Variants in PGAP1 observed in about 807,000 individuals in gnomAD.
PGAP1 encodes the protein post-GPI attachment to proteins inositol deacylase 1.
Under a neutral mutation model 127.0 loss-of-function variants are expected in PGAP1, and 76 were observed. The ratio of observed to expected loss-of-function variants is 0.60; its 90% CI spans 0.50 to 0.72. The LOEUF (loss-of-function observed/expected upper bound fraction) is 0.72. Ranked by LOEUF, PGAP1 falls within the 30% of genes least tolerant of loss-of-function variation. The pLI, the probability that PGAP1 is intolerant of heterozygous loss-of-function variation, is 0.00. For synonymous variants in PGAP1, 362 were observed against 366.5 expected (o/e 0.99, Z 0.14); for missense variants, 982 against 1,071.3 (o/e 0.92, Z 1.16).
At chr2:196,869,052 G>T (rs1475078242) in intron 19 of PGAP1, among the ~76,000 whole-genome samples, 1 of 152,002 alleles carries the variant, frequency 6.6e-6, no homozygotes, top group Non-Finnish European at 1.5e-5. Flanking sequence ...ATTTTAAAAA[G>T]AATCCACCTT....
intron 2 of PGAP1, 72 bp downstream of exon 2, chr2:196,919,925 C>T (rs925343849): frequency 9.0e-6 from 13 of 1,448,098 alleles, no homozygotes; most frequent in Admixed American, 2.0e-5. Flanking sequence ...TTTGATTCAC[C>T]GAGTATGGAT....
At chr2:196,854,599 G>A (rs762468025) in intron 20 of PGAP1, among the ~76,000 whole-genome samples, 1 of 152,158 alleles carries the variant, frequency 6.6e-6, no homozygotes, top group Non-Finnish European at 1.5e-5. Flanking sequence ...TTAAAATGCT[G>A]CATGTAACAG....
rs929695464 is a variant in PGAP1 at position 196,840,093 on chromosome 2, G to C, written c.*1141C>G. 1 of 152,146 alleles carries C rather than the reference G, an allele frequency of 6.6e-6. No homozygotes were observed. The highest frequency in any genetic ancestry group is 1.5e-5 in the Non-Finnish European group (1 of 68,012). The allele number at this position is 152,146 out of a possible 1,614,324, so 9.4% of individuals were successfully genotyped here. A position where few individuals can be genotyped will look rare whatever the true frequency, so the allele number is the denominator to read the frequency against. ...CGTAAATTCTGAAATGAAATAAAATGTTACTCTTATTTGTCAAACAGTAAT... is the reference window on the plus strand; with the variant it reads ...CGTAAATTCTGAAATGAAATAAAATCTTACTCTTATTTGTCAAACAGTAAT... On this transcript the variant is annotated 3_prime_UTR_variant, in exon 27 of 27. Coordinates refer to ENST00000354764, the MANE Select transcript of PGAP1 (RefSeq NM_024989.4).
intron 25 of PGAP1, 104 bp from the exon 26 acceptor site, chr2:196,842,929 A>G (rs112667770): frequency 2.0e-6 from 1 of 495,392 alleles, no homozygotes; most frequent in Non-Finnish European, 3.5e-6. Context: ...CAGTAGCAAT[A>G]TGGATATAAG....
chr2:196,900,037 T>TCAAAA lies in PGAP1; in HGVS notation c.808-1673_808-1669dup, dbSNP rs777791336. Among the ~76,000 whole-genome samples, 23 of 152,302 alleles carry TCAAAA rather than the reference T, an allele frequency of 1.5e-4. No individual in the cohort carries two copies. The East Asian group carries it at 1.7e-3, about 11-fold the overall frequency. ...TGGGCAACAAGAGCGAAACTCCGTC[T>TCAAAA]CAAAACAAAACAAAACAAAACACAC... is the stretch of plus-strand genomic sequence containing the variant. On this transcript the variant is annotated intron_variant, in intron 5 of 26. Transcript: ENST00000354764.
intron 20 of PGAP1, among the ~76,000 whole-genome samples, chr2:196,848,698 T>C (rs1354948128): frequency 3.9e-5 from 6 of 152,238 alleles, no homozygotes; most frequent in Non-Finnish European, 8.8e-5. Context: ...TATTTTTCCA[T>C]TCATCAATTG....
intron 20 of PGAP1, among the ~76,000 whole-genome samples, chr2:196,861,359 C>T (rs1701058614): frequency 6.6e-6 from 1 of 152,040 alleles, no homozygotes; most frequent in African/African-American, 2.4e-5. Context: ...ACAGCAAAGG[C>T]AACAAACAAC....
intron 7 of PGAP1, among the ~76,000 whole-genome samples, chr2:196,893,849 G>A (rs1011973430): frequency 6.6e-6 from 1 of 152,148 alleles, no homozygotes; most frequent in Non-Finnish European, 1.5e-5. Flanking sequence ...CTTTAAAAAA[G>A]TGTACTGGGT....
intron 4 of PGAP1, among the ~76,000 whole-genome samples, chr2:196,912,581 A>T (rs1356361095): frequency 1.1e-5 from 1 of 92,576 alleles, no homozygotes; most frequent in Non-Finnish European, 2.2e-5. Flanking sequence ...CCCTGTCTTT[A>T]AAAAAAAAAA....
intron 3 of PGAP1, 145 bp from the exon 4 acceptor site, chr2:196,913,198 A>T (rs1702891609): frequency 1.4e-6 from 1 of 734,064 alleles, no homozygotes; most frequent in African/African-American, 1.8e-5. Context: ...ACAGAAATAC[A>T]TTTTCATATA....
intron 24 of PGAP1, 85 bp from the exon 25 acceptor site, chr2:196,844,160 A>T: frequency 9.3e-6 from 7 of 752,388 alleles, no homozygotes; most frequent in African/African-American, 1.8e-5. Context: ...CTTATCAACT[A>T]AATAAGTACA....
intron 20 of PGAP1, among the ~76,000 whole-genome samples, chr2:196,862,817 C>T (rs1701111296): frequency 6.6e-6 from 1 of 152,174 alleles, no homozygotes; most frequent in African/African-American, 2.4e-5. Flanking sequence ...ACTTGGGAGG[C>T]TGAGGCAGGA....
In PGAP1 at chr2:196,902,086, C is replaced by A. The variant is rs1482610051; in HGVS notation, c.807+499G>T. On this transcript the variant is annotated intron_variant, in intron 5 of 26. Coordinates refer to ENST00000354764, the MANE Select transcript of PGAP1 (RefSeq NM_024989.4). ...CCAGGCTGAGGTGCAGTGATAAAAT[C>A]ACAGCTCACTATAACCTCGAACTCC... 2.0e-5 allele frequency among the ~76,000 whole-genome samples: 3 copies of A among 152,182 alleles called. No homozygotes were observed. In the East Asian group the frequency reaches 5.8e-4, roughly 29 times the overall value.
intron 12 of PGAP1, among the ~76,000 whole-genome samples, chr2:196,884,536 T>C (rs193076590): frequency 1.1e-3 from 163 of 152,346 alleles, no homozygotes; most frequent in Non-Finnish European, 6.2e-4. Context: ...CATTCCTCTC[T>C]GTTAGCATAA....
intron 1 of PGAP1, chr2:196,922,415 T>C (rs1703225818): frequency 2.0e-6 from 2 of 983,698 alleles, no homozygotes; most frequent in East Asian, 1.1e-4. Flanking sequence ...GAGGTCTCAG[T>C]AAGGCCTTTG....
At chr2:196,897,240 C>T (rs1469988729) in intron 6 of PGAP1, 43 bp from the exon 7 acceptor site, 1 of 1,249,698 alleles carries the variant, frequency 8.0e-7, no homozygotes, top group Admixed American at 2.3e-5. Flanking sequence ...TTTCTTAAAA[C>T]ATATACTTTT....
At chr2:196,848,903 A>G (rs1392301914) in intron 20 of PGAP1, among the ~76,000 whole-genome samples, 1 of 152,204 alleles carries the variant, frequency 6.6e-6, no homozygotes, top group Non-Finnish European at 1.5e-5. Flanking sequence ...CAGTAGCGAC[A>G]CTATTTTACA....
rs1230912865 is a variant in PGAP1, at chr2:196,840,192, T to C, written c.*1042A>G. 1 of 152,188 alleles carries C rather than the reference T, an allele frequency of 6.6e-6. No homozygotes were observed. Among genetic ancestry groups the C allele is most frequent in the Non-Finnish European group, 1.5e-5 (1 of 68,028 alleles). 9.4% of individuals were successfully genotyped at this position (152,188 alleles called of 1,614,324 possible). A position where few individuals can be genotyped will look rare whatever the true frequency, so the allele number is the denominator to read the frequency against. ...CTAATGTCTCCAATTTATTCAGGTG[T>C]ACTGTTTATACTCATGCTACTAATG... On this transcript the variant is annotated 3_prime_UTR_variant, in exon 27 of 27. Transcript: ENST00000354764.
At chr2:196,842,854 A>C in intron 25 of PGAP1, 29 bp from the exon 26 acceptor site, 1 of 1,064,096 alleles carries the variant, frequency 9.4e-7, no homozygotes, top group Non-Finnish European at 1.4e-6. Context: ...AAACCCACAA[A>C]TCAACAATGA....
Sources: allele counts gnomAD v4.1 joint callset (sites outside exome capture counted in the v4.1 genomes callset), GRCh38; gene constraint gnomAD v4.1.1; transcripts MANE v1.5; gene names NCBI Gene and HGNC (gene_info 2026-07-23, HGNC 2026-07-21).